The following SLC23A2 variants were observed in gnomAD, a reference collection of about 807,000 sequenced individuals.
The protein encoded by SLC23A2 is Na(+)/L-ascorbic acid transporter 2.
SLC23A2 carries 36 observed loss-of-function variants against 73.3 expected under a neutral mutation model. That is an observed-to-expected ratio of 0.49 (90% CI 0.38 to 0.65). SLC23A2 has a LOEUF of 0.65. Among genes scored for constraint, SLC23A2 ranks in the 30% least tolerant of loss-of-function variants. The pLI, the probability that SLC23A2 is intolerant of heterozygous loss-of-function variation, is 0.00. For missense variants in SLC23A2, 507 were observed against 841.6 expected, an observed-to-expected ratio of 0.60 and a Z score of 4.92; for synonymous variants, 343 against 327.3, an observed-to-expected ratio of 1.05 and a Z score of -0.52.
intron 3 of SLC23A2, among the ~76,000 whole-genome samples, chr20:4,927,588 C>T (rs1932716704): frequency 2.0e-5 from 3 of 152,286 alleles, no homozygotes; most frequent in South Asian, 4.1e-4. Context: ...TCCACAACTT[C>T]TCAAATAAAA....
Position 4,856,849 on chromosome 20 carries a change from G to A in SLC23A2, c.*123C>T, listed in dbSNP as rs1412801573. The A allele has an allele frequency of 2.9e-6, 2 of 685,818 alleles. No individual in the cohort carries two copies. The highest frequency in any genetic ancestry group is 1.8e-5 in the African/African-American group (1 of 56,202). 42.5% of individuals were successfully genotyped at this position (685,818 alleles called of 1,614,324 possible). On this transcript the variant is annotated 3_prime_UTR_variant, in exon 17 of 17. Coordinates refer to ENST00000338244, the MANE Select transcript of SLC23A2 (RefSeq NM_005116.6). This position sits in a 1 kb window ranked among gnomAD's most constrained non-coding sequence, Gnocchi z 4.6. ...ACAGCAGAAAAGTGATTCGCAGTCT[G>A]TCTTAGCTCTGGGGCGCAGAATGTA...
chr20:4,924,443 T>C (rs188897041), intron 3 of SLC23A2, among the ~76,000 whole-genome samples: 6 of 152,318 alleles, frequency 3.9e-5, no homozygotes, highest in Non-Finnish European at 7.3e-5. Context: ...CACCTCCACA[T>C]GGCAAGCACC....
chr20:4,897,082 T>G (rs945630767), intron 6 of SLC23A2, among the ~76,000 whole-genome samples: 3 of 152,206 alleles, frequency 2.0e-5, no homozygotes, highest in Non-Finnish European at 4.4e-5. Context: ...GCAAGCCATG[T>G]GCTTCGATGT....
intron 3 of SLC23A2, among the ~76,000 whole-genome samples, chr20:4,931,068 G>GAAAAAAA (rs758041566): frequency 2.7e-5 from 2 of 75,076 alleles, no homozygotes; most frequent in Non-Finnish European, 5.2e-5. Flanking sequence ...ATTTTTTTAA[G>GAAAAAAA]AAAAAAAAAA....
At chr20:4,996,358 C>T (rs780701463) in intron 1 of SLC23A2, among the ~76,000 whole-genome samples, 17 of 152,068 alleles carry the variant, frequency 1.1e-4, no homozygotes, top group Non-Finnish European at 1.9e-4. Flanking sequence ...AAGCCCGAGC[C>T]ATCAGCTGCT....
At chr20:4,974,697 T>C (rs143589553) in intron 1 of SLC23A2, among the ~76,000 whole-genome samples, 4 of 152,312 alleles carry the variant, frequency 2.6e-5, no homozygotes, top group African/African-American at 9.6e-5. Flanking sequence ...AATGTTTGTA[T>C]TTTTTTCAAG....
chr20:4,993,831 C>T (rs751710529), intron 1 of SLC23A2, among the ~76,000 whole-genome samples: 10 of 152,062 alleles, frequency 6.6e-5, no homozygotes, highest in Non-Finnish European at 1.5e-4. Context: ...GCTGTAATCC[C>T]AGAACTTTAG....
chr20:4,892,267 A>C (rs1176477461), intron 6 of SLC23A2, among the ~76,000 whole-genome samples: 1 of 151,986 alleles, frequency 6.6e-6, no homozygotes, highest in African/African-American at 2.4e-5. Flanking sequence ...GCTCACTGCA[A>C]CCTCTGCCTC....
At chr20:4,920,031 C>T (rs547211054) in intron 3 of SLC23A2, among the ~76,000 whole-genome samples, 3 of 152,170 alleles carry the variant, frequency 2.0e-5, no homozygotes, top group Admixed American at 6.5e-5. Context: ...GAGGCCAAGA[C>T]GGGTGGATCA....
chr20:4,961,377 T>C (rs145362799), intron 2 of SLC23A2, among the ~76,000 whole-genome samples: 2,396 of 152,192 alleles, frequency 0.016, 63 homozygotes, highest in African/African-American at 0.053. Context: ...CCACCACGCC[T>C]GGCCTATCTA....
chr20:4,933,884 A>G lies in SLC23A2; in HGVS notation c.-154-1168T>C, dbSNP rs6052970. Among the ~76,000 whole-genome samples, 1,020 of 152,332 alleles carry G rather than the reference A, an allele frequency of 6.7e-3. 15 individuals are homozygous for G. Among genetic ancestry groups the G allele is most frequent in the African/African-American group, 0.023 (966 of 41,584 alleles). On this transcript the variant is annotated intron_variant, in intron 2 of 16. Coordinates refer to ENST00000338244, the MANE Select transcript of SLC23A2 (RefSeq NM_005116.6). The stretch of plus-strand genomic sequence containing the variant: ...CAAATGTGAGGACAGGACTGCAATA[A>G]GTTTGGAAATACAAGTACAGAACTT...
intron 9 of SLC23A2, among the ~76,000 whole-genome samples, chr20:4,882,088 A>G (rs1037846479): frequency 6.6e-6 from 1 of 152,272 alleles, no homozygotes; most frequent in African/African-American, 2.4e-5. Context: ...TAGTAAGAAC[A>G]ATTTTGGGCT....
chr20:4,964,197 G>A (rs188778990), intron 2 of SLC23A2, among the ~76,000 whole-genome samples: 3 of 151,990 alleles, frequency 2.0e-5, no homozygotes, highest in East Asian at 1.9e-4. Context: ...GTCTCCCCAC[G>A]TTGCCCTGGC....
intron 1 of SLC23A2, among the ~76,000 whole-genome samples, chr20:4,971,697 G>C (rs1440595736): frequency 2.0e-5 from 3 of 151,918 alleles, no homozygotes; most frequent in Admixed American, 1.3e-4. Flanking sequence ...TGAGGCAGGA[G>C]GATTCCTTGA....
intron 16 of SLC23A2, among the ~76,000 whole-genome samples, chr20:4,858,223 C>T (rs556068255): frequency 4.7e-4 from 71 of 152,260 alleles, no homozygotes; most frequent in Non-Finnish European, 7.4e-4. Flanking sequence ...GAACATCCAC[C>T]GGTTGGACAC....
At chr20:4,882,027 C>T (rs1930903508) in intron 9 of SLC23A2, among the ~76,000 whole-genome samples, 1 of 152,158 alleles carries the variant, frequency 6.6e-6, no homozygotes, top group Admixed American at 6.5e-5. Flanking sequence ...GCCATCTTCC[C>T]ATCTCTGCTG....
chr20:4,882,833 TG>T (rs1930944889), intron 9 of SLC23A2, among the ~76,000 whole-genome samples: 1 of 152,148 alleles, frequency 6.6e-6, no homozygotes, highest in Non-Finnish European at 1.5e-5. Context: ...ACAGAGCAAA[TG>T]AAAAATTCTC....
intron 1 of SLC23A2, among the ~76,000 whole-genome samples, chr20:4,977,691 C>G (rs2087665029): frequency 6.8e-6 from 1 of 146,786 alleles, no homozygotes; most frequent in African/African-American, 2.5e-5. Context: ...GAGCGAGACT[C>G]TGTCCCCAAA....
intron 13 of SLC23A2, among the ~76,000 whole-genome samples, chr20:4,865,938 C>T (rs1930176997): frequency 6.6e-6 from 1 of 152,018 alleles, no homozygotes; most frequent in African/African-American, 2.4e-5. Context: ...GTTCAAGTGA[C>T]TCTCCTGCCT....
Sources: allele counts gnomAD v4.1 joint callset (sites outside exome capture counted in the v4.1 genomes callset), GRCh38; gene constraint gnomAD v4.1.1; non-coding constraint Gnocchi (gnomAD v3.1); transcripts MANE v1.5; gene names NCBI Gene and HGNC (gene_info 2026-07-23, HGNC 2026-07-21).